NCKAP5: variants seen among roughly 807,000 people sequenced by gnomAD.
NCKAP5 encodes NCK associated protein 5.
In NCKAP5, 92 loss-of-function variants were observed where a neutral mutation model predicts 167.0. The observed-to-expected ratio is 0.55, with a 90% CI of 0.47 to 0.66. The LOEUF (loss-of-function observed/expected upper bound fraction) is 0.66. Ranked by LOEUF, NCKAP5 falls within the 30% of genes least tolerant of loss-of-function variation. The pLI is 0.00. For synonymous variants in NCKAP5, 891 were observed against 877.4 expected, an observed-to-expected ratio of 1.02 and a Z score of -0.27; for missense variants, 2,378 against 2,315.0, an observed-to-expected ratio of 1.03 and a Z score of -0.56.
intron 5 of NCKAP5, among the ~76,000 whole-genome samples, chr2:133,191,914 A>AT (rs1232955716): frequency 6.6e-6 from 1 of 152,098 alleles, no homozygotes; most frequent in East Asian, 1.9e-4. Context: ...AACTTAAAGT[A>AT]TAAAAAAAAA....
At chr2:133,524,227 G>A (rs976667472) in intron 2 of NCKAP5, among the ~76,000 whole-genome samples, 9 of 152,134 alleles carry the variant, frequency 5.9e-5, no homozygotes, top group African/African-American at 7.2e-5. Context: ...CTTGATCTCC[G>A]TCCTCTTCTC....
chr2:132,957,317 C>T (rs1168214564), intron 8 of NCKAP5, among the ~76,000 whole-genome samples: 2 of 152,144 alleles, frequency 1.3e-5, no homozygotes, highest in African/African-American at 4.8e-5. Context: ...TATTCCACAT[C>T]CAATGGATCC....
rs751951353 is a variant in NCKAP5, at chr2:132,732,010, T to C, written c.5170A>G (p.Thr1724Ala). ...QMRTLDSGIGTFPLPDSGNRS... is the reference protein window; with the variant it reads ...QMRTLDSGIGAFPLPDSGNRS... ...TTTCCCGAGTCTGGGAGTGGAAAGG[T>C]TCCGATCCCACTGTCCAATGTTCTC... The change falls in exon 17 of 20, where the codon ACC (threonine) becomes GCC (alanine). Residue 1724 changes from threonine to alanine, a missense_variant. Physicochemically the swap from Thr to Ala is moderately conservative, Grantham distance 58. This residue lies in a region of NCKAP5 where 1,325 missense variants were observed against 1,274.5 expected (regional missense o/e 1.04). Transcript: ENST00000409261. 1.2e-6 allele frequency: 2 copies of C among 1,613,626 alleles called. No homozygotes were observed. The highest frequency in any genetic ancestry group is 1.3e-5 in the African/African-American group (1 of 74,942).
At position 133,498,480 on chromosome 2, in the gene NCKAP5, A is replaced by AAGGAAGGAAGGAAGGAAGGAAGGC. The variant is rs1310524686; in HGVS notation, c.69+18977_69+18978insGCCTTCCTTCCTTCCTTCCTTCCT. 2.8e-4 allele frequency among the ~76,000 whole-genome samples: 28 copies of AAGGAAGGAAGGAAGGAAGGAAGGC among 101,778 alleles called. No homozygotes were observed. In the South Asian group the frequency reaches 3.5e-3, roughly 13 times the overall value. The allele number at this position is 101,778 out of a possible 152,430, so 66.8% of individuals were successfully genotyped here. ...GAAGGAAGGAAGGAAGGAAGGAAGGAAGGCAGGCAGGCAGGCAGGCAGGCA... is the reference window on the plus strand; with the variant it reads ...GAAGGAAGGAAGGAAGGAAGGAAGGAAGGAAGGAAGGAAGGAAGGAAGGCAGGCAGGCAGGCAGGCAGGCAGGCA... On this transcript the variant is annotated intron_variant, in intron 3 of 19. Coordinates refer to ENST00000409261, the MANE Select transcript of NCKAP5 (RefSeq NM_207363.3).
At chr2:133,126,907 A>G (rs2082421180) in intron 6 of NCKAP5, among the ~76,000 whole-genome samples, 1 of 152,086 alleles carries the variant, frequency 6.6e-6, no homozygotes, top group African/African-American at 2.4e-5. Flanking sequence ...CCTATTGTAA[A>G]TCTACCTTTT....
At chr2:133,201,517 T>C (rs1239514727) in intron 5 of NCKAP5, among the ~76,000 whole-genome samples, 1 of 152,148 alleles carries the variant, frequency 6.6e-6, no homozygotes, top group African/African-American at 2.4e-5. Flanking sequence ...CTGATACATA[T>C]ATTACATAAA....
At chr2:133,347,244 G>A (rs1028493084) in intron 3 of NCKAP5, among the ~76,000 whole-genome samples, 1 of 152,094 alleles carries the variant, frequency 6.6e-6, no homozygotes, top group Non-Finnish European at 1.5e-5. Context: ...ATTGTGTGGG[G>A]GGAGTTAATT....
intron 6 of NCKAP5, among the ~76,000 whole-genome samples, chr2:133,099,541 G>A (rs2081438480): frequency 6.6e-6 from 1 of 152,154 alleles, no homozygotes; most frequent in Non-Finnish European, 1.5e-5. Flanking sequence ...CCACTAACTA[G>A]CTGTTGATCT....
intron 3 of NCKAP5, among the ~76,000 whole-genome samples, chr2:133,307,844 TA>T (rs899360620): frequency 7.9e-5 from 12 of 151,808 alleles, no homozygotes; most frequent in African/African-American, 2.7e-4. Flanking sequence ...GAGCAAAGAA[TA>T]AAAAAATATG....
chr2:133,414,512 C>G (rs979147426), intron 3 of NCKAP5, among the ~76,000 whole-genome samples: 1 of 152,090 alleles, frequency 6.6e-6, no homozygotes, highest in Admixed American at 6.5e-5. Context: ...TCAGGTCATT[C>G]TTGTTGCACC....
Position 133,302,966 on chromosome 2 carries a change from A to AATATTTTAG in NCKAP5, c.143+62_143+70dup, listed in dbSNP as rs1165300746. ...AGTATATATTCTGTAGTCTAACTGA[A>AATATTTTAG]ATATTTTAGATCAGCAAAGCTATAA... On this transcript the variant is annotated intron_variant, in intron 4 of 19. Coordinates refer to ENST00000409261, the MANE Select transcript of NCKAP5 (RefSeq NM_207363.3). 3.8e-6 allele frequency: 4 copies of AATATTTTAG among 1,056,888 alleles called. No individual in the cohort carries two copies. In the Admixed American group the frequency reaches 7.9e-5, roughly 21 times the overall value. 65.5% of individuals were successfully genotyped at this position (1,056,888 alleles called of 1,614,324 possible).
chr2:132,766,278 CAAAAAA>C (rs70973405), intron 16 of NCKAP5, among the ~76,000 whole-genome samples: 19 of 38,426 alleles, frequency 4.9e-4, no homozygotes, highest in Middle Eastern at 0.019. Flanking sequence ...GATTCTGTCT[CAAAAAA>C]AAAAAAAAAA....
chr2:132,873,618 T>A (rs1179808246), intron 9 of NCKAP5, among the ~76,000 whole-genome samples: 1 of 152,160 alleles, frequency 6.6e-6, no homozygotes, highest in Non-Finnish European at 1.5e-5. Context: ...CACAGCCCCA[T>A]ACAACATTGG....
At chr2:133,607,538 G>A in the NCKAP5 span, among the ~76,000 whole-genome samples, 2 of 152,174 alleles carry the variant, frequency 1.3e-5, no homozygotes, top group South Asian at 4.1e-4. Context: ...TTAAGATTTG[G>A]AAGTGGTGGG....
chr2:133,568,229 T>C lies in NCKAP5; in HGVS notation c.-143A>G, dbSNP rs1009385739. 16 of 152,216 alleles carry C rather than the reference T, an allele frequency of 1.1e-4. No homozygotes were observed. The highest frequency in any genetic ancestry group is 3.6e-4 in the African/African-American group (15 of 41,446). The allele number at this position is 152,216 out of a possible 1,614,324, so 9.4% of individuals were successfully genotyped here. A position where few individuals can be genotyped will look rare whatever the true frequency, so the allele number is the denominator to read the frequency against. The stretch of plus-strand genomic sequence containing the variant: ...CAACAGTCTTACTTGTAGTTAGCTC[T>C]TCAGTCAACACATATCACAGTCCTG... On this transcript the variant is annotated 5_prime_UTR_variant, in exon 1 of 20. Transcript: ENST00000409261.
chr2:132,932,987 C>CGT (rs1553483224), intron 8 of NCKAP5, among the ~76,000 whole-genome samples: 3 of 137,266 alleles, frequency 2.2e-5, no homozygotes, highest in East Asian at 2.3e-4. Flanking sequence ...TGCAGTGGAA[C>CGT]GATCTCGGCT....
chr2:132,686,225 C>G (rs116413307), intron 19 of NCKAP5, among the ~76,000 whole-genome samples: 1 of 152,178 alleles, frequency 6.6e-6, no homozygotes, highest in Non-Finnish European at 1.5e-5. Flanking sequence ...TTTTGCCAGC[C>G]AGCTGAGGAT....
At chr2:133,571,915 C>T (rs1490918632), upstream of NCKAP5, among the ~76,000 whole-genome samples, 1 of 151,932 alleles carries the variant, frequency 6.6e-6, no homozygotes, top group East Asian at 1.9e-4. Context: ...GCGGAGGTTG[C>T]CGTGAGCCAA....
chr2:133,172,806 C>A (rs540772049), intron 5 of NCKAP5, among the ~76,000 whole-genome samples: 39 of 152,264 alleles, frequency 2.6e-4, no homozygotes, highest in African/African-American at 9.1e-4. Context: ...CACCAACACG[C>A]CCAGCTAATT....
Sources: gnomAD v4.1 joint callset for allele counts (sites outside exome capture counted in the v4.1 genomes callset) on GRCh38, gnomAD v4.1.1 for gene constraint, gnomAD v4.1.1 regional missense constraint, MANE v1.5 for transcripts, NCBI Gene and HGNC (gene_info 2026-07-23, HGNC 2026-07-21) for gene names.